Variants in UNK observed in about 807,000 individuals in gnomAD.
UNK encodes unk zinc finger, also known as RING finger protein unkempt homolog.
UNK carries 32 observed loss-of-function variants against 97.6 expected under a neutral mutation model. The observed-to-expected ratio is 0.33, with a 90% CI of 0.25 to 0.44. UNK has a LOEUF of 0.44. UNK is among the 20% of genes least tolerant of loss of function. The pLI, the probability that UNK is intolerant of heterozygous loss-of-function variation, is 1.00. For missense variants in UNK, 771 were observed against 1,098.4 expected (o/e 0.70, Z 4.21); for synonymous variants, 441 against 461.2 (o/e 0.96, Z 0.56).
intron 2 of UNK, among the ~76,000 whole-genome samples, 191 bp from the exon 3 acceptor site, chr17:75,811,921 A>G (rs1261886389): frequency 6.6e-6 from 1 of 152,188 alleles, no homozygotes; most frequent in African/African-American, 2.4e-5. Flanking sequence ...AGGGAGTCAG[A>G]GTTGCAGTGA....
chr17:75,796,524 T>TA (rs2061807300), intron 1 of UNK, among the ~76,000 whole-genome samples: 2 of 152,248 alleles, frequency 1.3e-5, no homozygotes, highest in South Asian at 4.1e-4. Context: ...GTCAGGTTCT[T>TA]ACTGTGTTGC....
In UNK at chr17:75,819,187, C is replaced by T. The variant is rs1287120586; in HGVS notation, c.1546+371C>T. On this transcript the variant is annotated intron_variant, in intron 11 of 15. Coordinates refer to ENST00000589666, the MANE Select transcript of UNK (RefSeq NM_001080419.3). This position sits in a 1 kb window ranked among gnomAD's most constrained non-coding sequence, Gnocchi z 5.4. ...AAGTTGGTGCTCCTTTCTTTCAGTA[C>T]TCATTTCTAGGTGCCCGCTTTGTGC... 4.1e-6 allele frequency: 1 copy of T among 245,378 alleles called. No homozygotes were observed. The highest frequency in any genetic ancestry group is 2.3e-5 in the African/African-American group (1 of 44,060). 15.2% of individuals were successfully genotyped at this position (245,378 alleles called of 1,614,324 possible). A position where few individuals can be genotyped will look rare whatever the true frequency, so the allele number is the denominator to read the frequency against.
intron 1 of UNK, chr17:75,794,335 C>A (rs2061786981): frequency 9.1e-6 from 3 of 331,182 alleles, no homozygotes; most frequent in South Asian, 1.2e-4. Flanking sequence ...TCCTTTAGCT[C>A]AGTTAAGAAA....
In UNK at chr17:75,816,730, C is replaced by T. The variant is rs1183487204; in HGVS notation, c.962-40C>T. 1 of 1,568,222 alleles carries T rather than the reference C, an allele frequency of 6.4e-7. No individual in the cohort carries two copies. The highest frequency in any genetic ancestry group is 2.3e-5 in the East Asian group (1 of 44,368). On this transcript the variant is annotated intron_variant, in intron 7 of 15. Coordinates refer to ENST00000589666, the MANE Select transcript of UNK (RefSeq NM_001080419.3). The surrounding 1 kb of genome is among the most constrained non-coding windows in gnomAD (Gnocchi z 4.0). ...CAGGAGCATTTTTGGAGGGACAGAG[C>T]TGGCTGGGGCCTGCTGACCCCTGCC...
At chr17:75,804,805 C>T (rs11650445) in intron 1 of UNK, among the ~76,000 whole-genome samples, 2 of 151,868 alleles carry the variant, frequency 1.3e-5, no homozygotes, top group Non-Finnish European at 2.9e-5. Context: ...TGCGCCACTG[C>T]ACTCCAGCCT....
rs112587010 is a variant in UNK at position 75,821,829 on chromosome 17, G to A, written c.1838-648G>A. Reference sequence around the variant, plus strand: ...GTGAGCAGAGGGCAGCTGGGTTGGCGGTGGGTGGGAGGCTGTGCACGCAGC... The same window carrying A: ...GTGAGCAGAGGGCAGCTGGGTTGGCAGTGGGTGGGAGGCTGTGCACGCAGC... On this transcript the variant is annotated intron_variant, in intron 13 of 15. Transcript: ENST00000589666. The A allele has an allele frequency of 9.7e-4, 412 of 424,468 alleles. 1 individual carries two copies. The highest frequency in any genetic ancestry group is 6.9e-3 in the African/African-American group (340 of 49,536). The allele number at this position is 424,468 out of a possible 1,614,324, so 26.3% of individuals were successfully genotyped here.
chr17:75,785,150 C>T, intron 1 of UNK, 166 bp downstream of exon 1: 1 of 530,676 alleles, frequency 1.9e-6, no homozygotes, highest in Non-Finnish European at 3.3e-6. Context: ...CAACTGCCTC[C>T]AACTGCCACC....
At position 75,820,055 on chromosome 17, in the gene UNK, T is replaced by C. The variant is rs1170944007; in HGVS notation, c.1784T>C (p.Leu595Pro). 6.2e-7 allele frequency: 1 copy of C among 1,613,654 alleles called. No homozygotes were observed. ...TTCCTGCAGCAGCCCCAGGGCCACC[T>C]GAGTCAGTCGGAAAACACATTTTTG... ...SHFLQQPQGH[L>P]SQSENTFLGT... The change falls in exon 13 of 16, where the codon CTG becomes CCG. Residue 595 changes from leucine (L) to proline (P), a missense_variant. By Grantham distance (98) the Leu-to-Pro change is moderately conservative (BLOSUM62 -3). Transcript: ENST00000589666.
rs533530972 is a variant in UNK, at chr17:75,816,321, C to G, written c.962-449C>G. On this transcript the variant is annotated intron_variant, in intron 7 of 15. Coordinates refer to ENST00000589666, the MANE Select transcript of UNK (RefSeq NM_001080419.3). The surrounding 1 kb of genome is among the most constrained non-coding windows in gnomAD (Gnocchi z 4.0). ...TCTGAGATGAGAATGGAAAATAAAT[C>G]GAGGGCCCTGGGCGGGAGAAGCATA... 6.6e-6 allele frequency among the ~76,000 whole-genome samples: 1 copy of G among 152,180 alleles called. No individual in the cohort carries two copies. The highest frequency in any genetic ancestry group is 2.4e-5 in the African/African-American group (1 of 41,446).
intron 2 of UNK, 103 bp downstream of exon 2, chr17:75,810,072 G>A (rs920890400): frequency 7.1e-7 from 1 of 1,415,852 alleles, no homozygotes; most frequent in Non-Finnish European, 9.7e-7. Flanking sequence ...CAGAGGACTG[G>A]TTGCAGCCCA....
intron 1 of UNK, among the ~76,000 whole-genome samples, chr17:75,799,986 C>G (rs1758609013): frequency 6.6e-6 from 1 of 152,174 alleles, no homozygotes; most frequent in Admixed American, 6.6e-5. Context: ...CAAAAAAACC[C>G]AAGTGTAGAG....
chr17:75,788,229 G>T (rs1185069020), intron 1 of UNK, among the ~76,000 whole-genome samples: 3 of 151,400 alleles, frequency 2.0e-5, no homozygotes, highest in Non-Finnish European at 4.4e-5. Context: ...GCCCAAGCTG[G>T]AGTGCAGTGG....
rs888416168 is a variant in UNK, at chr17:75,788,265, C to T, written c.104+3281C>T. ...CGTGATCTCAGTTTACTGCAACCTCCACCTCCCGGGTTTAAGCAATTCTCC... is the reference window on the plus strand; with the variant it reads ...CGTGATCTCAGTTTACTGCAACCTCTACCTCCCGGGTTTAAGCAATTCTCC... On this transcript the variant is annotated intron_variant, in intron 1 of 15. Coordinates refer to ENST00000589666, the MANE Select transcript of UNK (RefSeq NM_001080419.3). Among the ~76,000 whole-genome samples, 18 of 151,912 alleles carry T rather than the reference C, an allele frequency of 1.2e-4. 1 individual carries two copies. The highest frequency in any genetic ancestry group is 6.6e-4 in the Admixed American group (10 of 15,256).
chr17:75,820,132 A>G, intron 13 of UNK, 24 bp downstream of exon 13: 1 of 1,590,708 alleles, frequency 6.3e-7, no homozygotes. Context: ...TGGTTCACTC[A>G]GGAGAACTGG....
intron 1 of UNK, among the ~76,000 whole-genome samples, chr17:75,808,561 CT>C (rs2061939696): frequency 6.6e-6 from 1 of 152,154 alleles, no homozygotes; most frequent in African/African-American, 2.4e-5. Flanking sequence ...TCTTCATCCA[CT>C]AGTACCTCTC....
intron 2 of UNK, 116 bp from the exon 3 acceptor site, chr17:75,811,996 A>G (rs1000925120): frequency 9.8e-6 from 13 of 1,321,850 alleles, no homozygotes; most frequent in Admixed American, 2.7e-5. Context: ...AAAACAAAAC[A>G]AAACAAACAA....
intron 1 of UNK, among the ~76,000 whole-genome samples, chr17:75,795,074 CACGT>C (rs1207665868): frequency 2.0e-5 from 3 of 152,088 alleles, no homozygotes; most frequent in African/African-American, 7.2e-5. Context: ...TTCTCTCTTC[CACGT>C]CCACTTGAAT....
rs1194108178 is a variant in UNK, at chr17:75,818,824, G to T, written c.1546+8G>T. 1 of 1,579,926 alleles carries T rather than the reference G, an allele frequency of 6.3e-7. No homozygotes were observed. The highest frequency in any genetic ancestry group is 8.6e-7 in the Non-Finnish European group (1 of 1,161,156). Reference sequence around the variant, plus strand: ...CGGTAGAGTCAGTCATAGGTAACTAGGCCATTTCTGTTTGAAAGCCCAGGA... The same window carrying T: ...CGGTAGAGTCAGTCATAGGTAACTATGCCATTTCTGTTTGAAAGCCCAGGA... On this transcript the variant is annotated splice_region_variant and intron_variant, in intron 11 of 15. Coordinates refer to ENST00000589666, the MANE Select transcript of UNK (RefSeq NM_001080419.3). The surrounding 1 kb of genome is among the most constrained non-coding windows in gnomAD (Gnocchi z 5.1).
chr17:75,818,546 G>C lies in UNK; in HGVS notation c.1372-96G>C. The C allele has an allele frequency of 7.2e-7, 1 of 1,388,586 alleles. No individual in the cohort carries two copies. Among genetic ancestry groups the C allele is most frequent in the African/African-American group, 1.4e-5 (1 of 69,206 alleles). 86.0% of individuals were successfully genotyped at this position (1,388,586 alleles called of 1,614,324 possible). ...GGGCACCCGGACTAGAGCTAGCACG[G>C]GCCATTTCCCTTGCCCCCAGCCCCT... On this transcript the variant is annotated intron_variant, in intron 10 of 15. Transcript: ENST00000589666. This position sits in a 1 kb window ranked among gnomAD's most constrained non-coding sequence, Gnocchi z 5.1.
Sources: allele counts gnomAD v4.1 joint callset (sites outside exome capture counted in the v4.1 genomes callset), GRCh38; gene constraint gnomAD v4.1.1; non-coding constraint Gnocchi (gnomAD v3.1); transcripts MANE v1.5; gene names NCBI Gene and HGNC (gene_info 2026-07-23, HGNC 2026-07-21).